The following PTPRD variants were observed in gnomAD, a reference collection of about 807,000 sequenced individuals.
The protein encoded by PTPRD is protein tyrosine phosphatase receptor type D.
A neutral mutation model predicts 214.5 loss-of-function variants in PTPRD; 34 were observed. The observed-to-expected ratio is 0.16, with a 90% CI of 0.12 to 0.21. The LOEUF (loss-of-function observed/expected upper bound fraction) is 0.21. Among genes scored for constraint, PTPRD ranks in the 10% least tolerant of loss-of-function variants. PTPRD has a pLI of 1.00. For missense variants in PTPRD, 2,545 were observed against 2,398.7 expected, an observed-to-expected ratio of 1.06 and a Z score of -1.27; for synonymous variants, 1,128 against 845.7, an observed-to-expected ratio of 1.33 and a Z score of -5.79.
intron 44 of PTPRD, among the ~76,000 whole-genome samples, chr9:8,326,143 G>T (rs1384151907): frequency 6.6e-6 from 1 of 152,296 alleles, no homozygotes; most frequent in South Asian, 2.1e-4. Context: ...TCCCTCTCTT[G>T]TGCTACTTTT....
intron 8 of PTPRD, among the ~76,000 whole-genome samples, chr9:9,567,370 C>T (rs373151407): frequency 2.6e-5 from 4 of 151,950 alleles, no homozygotes; most frequent in African/African-American, 9.6e-5. Context: ...GGTAACAGAG[C>T]AGCAAAACTG....
chr9:8,433,855 C>T (rs536595462), intron 35 of PTPRD, among the ~76,000 whole-genome samples: 1 of 152,264 alleles, frequency 6.6e-6, no homozygotes, highest in South Asian at 2.1e-4. Flanking sequence ...TTTATAAAGT[C>T]TACAGTAGTA....
chr9:10,087,410 T>C (rs914988047), intron 3 of PTPRD, among the ~76,000 whole-genome samples: 7 of 151,676 alleles, frequency 4.6e-5, no homozygotes, highest in African/African-American at 1.7e-4. Context: ...ATGCTAAGTA[T>C]GTTTTTACAC....
At chr9:9,737,786 C>G (rs2098326466) in intron 6 of PTPRD, among the ~76,000 whole-genome samples, 1 of 152,116 alleles carries the variant, frequency 6.6e-6, no homozygotes. Context: ...AATAACAATG[C>G]TATGAACATT....
intron 3 of PTPRD, among the ~76,000 whole-genome samples, chr9:10,128,396 C>T (rs183413688): frequency 6.6e-6 from 1 of 152,158 alleles, no homozygotes; most frequent in Non-Finnish European, 1.5e-5. Flanking sequence ...AGGGAGCACA[C>T]CATTGAAGAT....
chr9:10,346,308 T>G (rs976837992), intron 2 of PTPRD, among the ~76,000 whole-genome samples: 9 of 152,178 alleles, frequency 5.9e-5, no homozygotes, highest in African/African-American at 1.9e-4. Flanking sequence ...GGAATGAACA[T>G]GACACCTGGT....
chr9:8,968,244 AT>A (rs2099212184), intron 11 of PTPRD, among the ~76,000 whole-genome samples: 1 of 152,092 alleles, frequency 6.6e-6, no homozygotes, highest in Non-Finnish European at 1.5e-5. Flanking sequence ...CAGCAGCATG[AT>A]TTATAATCCT....
intron 3 of PTPRD, among the ~76,000 whole-genome samples, chr9:10,210,725 T>C (rs1161209133): frequency 6.9e-6 from 1 of 145,248 alleles, no homozygotes; most frequent in Non-Finnish European, 1.5e-5. Context: ...TTTGATTTTA[T>C]ATATATAAAA....
At chr9:9,931,190 T>TA (rs958620489) in intron 5 of PTPRD, among the ~76,000 whole-genome samples, 23 of 151,924 alleles carry the variant, frequency 1.5e-4, no homozygotes, top group South Asian at 8.3e-4. Context: ...AAGTTAAAAA[T>TA]AAAAAAAAGA....
chr9:10,541,825 G>C (rs1288228686), intron 2 of PTPRD, among the ~76,000 whole-genome samples: 1 of 151,648 alleles, frequency 6.6e-6, no homozygotes, highest in Non-Finnish European at 1.5e-5. Flanking sequence ...CTCCAAAATG[G>C]GTTAAATATA....
chr9:9,627,986 T>G (rs188349909), intron 7 of PTPRD, among the ~76,000 whole-genome samples: 14 of 152,234 alleles, frequency 9.2e-5, no homozygotes, highest in East Asian at 7.7e-4. Flanking sequence ...TTCAAGAAAG[T>G]TGGATACTCT....
At chr9:8,619,090 G>C (rs1168253374) in intron 14 of PTPRD, among the ~76,000 whole-genome samples, 1 of 151,490 alleles carries the variant, frequency 6.6e-6, no homozygotes, top group Non-Finnish European at 1.5e-5. Context: ...AGACATAAAA[G>C]TGTATTTACC....
chr9:8,802,183 G>A (rs1397773265), intron 11 of PTPRD, among the ~76,000 whole-genome samples: 1 of 152,092 alleles, frequency 6.6e-6, no homozygotes, highest in African/African-American at 2.4e-5. Context: ...TCTAACTAGA[G>A]AAAGAAATAC....
At chr9:8,417,235 T>C (rs1019007157) in intron 35 of PTPRD, among the ~76,000 whole-genome samples, 14 of 152,138 alleles carry the variant, frequency 9.2e-5, no homozygotes, top group Non-Finnish European at 1.6e-4. Flanking sequence ...AAGTTAAGTA[T>C]AATCTTTACT....
chr9:10,349,536 C>A (rs12342062), intron 2 of PTPRD, among the ~76,000 whole-genome samples: 35,044 of 151,752 alleles, frequency 0.23, 4,105 homozygotes, highest in South Asian at 0.28. Flanking sequence ...TATTTGATGT[C>A]CTGTGGATTT....
chr9:10,591,444 T>C (rs565074238), intron 2 of PTPRD, among the ~76,000 whole-genome samples: 1 of 152,178 alleles, frequency 6.6e-6, no homozygotes, highest in Admixed American at 6.6e-5. Flanking sequence ...TTGCAGGAGA[T>C]GTGAACACAG....
chr9:9,345,610 A>AT (rs2048490405), intron 9 of PTPRD, among the ~76,000 whole-genome samples: 1 of 152,146 alleles, frequency 6.6e-6, no homozygotes, highest in African/African-American at 2.4e-5. Context: ...TAACTCCCCC[A>AT]AGGTCATCCC....
intron 7 of PTPRD, among the ~76,000 whole-genome samples, chr9:9,589,181 T>G (rs1272927130): frequency 6.6e-6 from 1 of 151,908 alleles, no homozygotes. Flanking sequence ...AATACAACAG[T>G]AGTTTATTTG....
chr9:8,582,673 T>C (rs1408459615), intron 14 of PTPRD, among the ~76,000 whole-genome samples: 1 of 152,080 alleles, frequency 6.6e-6, no homozygotes, highest in Non-Finnish European at 1.5e-5. Context: ...AAAAACAAAT[T>C]TAACAATAAG....
Sources: gnomAD v4.1 joint callset for allele counts (sites outside exome capture counted in the v4.1 genomes callset) on GRCh38, gnomAD v4.1.1 for gene constraint, MANE v1.5 for transcripts, NCBI Gene and HGNC (gene_info 2026-07-23, HGNC 2026-07-21) for gene names.